Variants in LDLRAD4 observed in about 807,000 individuals in gnomAD.
LDLRAD4 encodes low-density lipoprotein receptor class A domain-containing protein 4.
Under a neutral mutation model 17.0 loss-of-function variants are expected in LDLRAD4, and 5 were observed. The ratio of observed to expected loss-of-function variants is 0.29; its 90% confidence interval spans 0.15 to 0.62. The LOEUF is 0.62. Among genes scored for constraint, LDLRAD4 ranks in the 20% least tolerant of loss-of-function variants. The probability of loss-of-function intolerance (pLI) is 0.84; values close to 1 mark genes in which losing one functional copy is unlikely to be tolerated. For missense variants in LDLRAD4, 340 were observed against 424.7 expected (o/e 0.80, Z 1.75); for synonymous variants, 168 against 171.8 (o/e 0.98, Z 0.17).
chr18:13,355,172 G>A (rs1327462150), intron 1 of LDLRAD4, among the ~76,000 whole-genome samples: 2 of 152,216 alleles, frequency 1.3e-5, no homozygotes, highest in Non-Finnish European at 2.9e-5. Flanking sequence ...TTTAGTCTAT[G>A]TTGTTTTGTT....
intron 4 of LDLRAD4, among the ~76,000 whole-genome samples, chr18:13,639,704 A>G (rs2042362768): frequency 6.6e-6 from 1 of 152,178 alleles, no homozygotes; most frequent in African/African-American, 2.4e-5. Flanking sequence ...TGTAGTTATA[A>G]TGTCCCCATG....
chr18:13,628,838 G>A (rs2041402370), intron 4 of LDLRAD4, among the ~76,000 whole-genome samples: 1 of 152,158 alleles, frequency 6.6e-6, no homozygotes, highest in Non-Finnish European at 1.5e-5. Flanking sequence ...AGGTTTTGGG[G>A]TTATTTTTAA....
At chr18:13,246,230 C>T (rs2042947669) in intron 1 of LDLRAD4, among the ~76,000 whole-genome samples, 1 of 152,218 alleles carries the variant, frequency 6.6e-6, no homozygotes, top group Admixed American at 6.5e-5. Flanking sequence ...TTTGGGTGGT[C>T]TGCGGCCATC....
chr18:13,375,170 C>G (rs999265688), intron 1 of LDLRAD4, among the ~76,000 whole-genome samples: 1 of 152,158 alleles, frequency 6.6e-6, no homozygotes, highest in African/African-American at 2.4e-5. Flanking sequence ...CCAAGTTTAC[C>G]TCTAGGCCAG....
chr18:13,529,822 C>T (rs1243450443), intron 3 of LDLRAD4, among the ~76,000 whole-genome samples: 2 of 152,190 alleles, frequency 1.3e-5, no homozygotes, highest in Non-Finnish European at 2.9e-5. Flanking sequence ...AGAGTGTGTC[C>T]TCTTGTTACG....
chr18:13,325,907 C>A (rs569247428), intron 1 of LDLRAD4, among the ~76,000 whole-genome samples: 1 of 152,102 alleles, frequency 6.6e-6, no homozygotes, highest in Non-Finnish European at 1.5e-5. Context: ...TGCCCGCCAC[C>A]GTGCCTGCCA....
chr18:13,525,926 C>T (rs1394857047), intron 3 of LDLRAD4, among the ~76,000 whole-genome samples: 2 of 152,232 alleles, frequency 1.3e-5, no homozygotes, highest in Non-Finnish European at 2.9e-5. Flanking sequence ...CTTGCGCCCT[C>T]CTGTGTGTCT....
At chr18:13,229,899 T>G (rs2041988884) in intron 1 of LDLRAD4, among the ~76,000 whole-genome samples, 1 of 152,236 alleles carries the variant, frequency 6.6e-6, no homozygotes, top group South Asian at 2.1e-4. Context: ...ACCTGCTGTC[T>G]CCTGGCTTCC....
chr18:13,640,409 C>G (rs2042443267), intron 4 of LDLRAD4, among the ~76,000 whole-genome samples: 1 of 151,934 alleles, frequency 6.6e-6, no homozygotes, highest in Non-Finnish European at 1.5e-5. Context: ...AAAACAAAAG[C>G]CAGGCAGGAA....
chr18:13,280,332 T>G (rs1400368260), intron 1 of LDLRAD4, among the ~76,000 whole-genome samples: 1 of 152,206 alleles, frequency 6.6e-6, no homozygotes, highest in Non-Finnish European at 1.5e-5. Context: ...GCTTTTCTCA[T>G]CTTTAAATGG....
intron 1 of LDLRAD4, among the ~76,000 whole-genome samples, chr18:13,247,464 G>T (rs533021374): frequency 6.6e-6 from 1 of 152,308 alleles, no homozygotes; most frequent in South Asian, 2.1e-4. Context: ...AGTCCAGGAT[G>T]CCATGTTGCA....
chr18:13,325,160 C>T (rs887419899), intron 1 of LDLRAD4, among the ~76,000 whole-genome samples: 7 of 152,192 alleles, frequency 4.6e-5, no homozygotes, highest in African/African-American at 1.2e-4. Context: ...TTCTATCTTG[C>T]AGCAATCTGT....
At chr18:13,472,411 A>G (rs1441638584) in intron 3 of LDLRAD4, 1 of 152,284 alleles carries the variant, frequency 6.6e-6, no homozygotes, top group African/African-American at 2.4e-5. Flanking sequence ...GGTTCATGAA[A>G]TGCTCCAGCA....
chr18:13,313,626 T>TA (rs2080772172), intron 1 of LDLRAD4, among the ~76,000 whole-genome samples: 1 of 152,232 alleles, frequency 6.6e-6, no homozygotes, highest in Non-Finnish European at 1.5e-5. Context: ...TCTTGGCCCT[T>TA]ACGTGTGGAT....
chr18:13,559,327 C>G (rs1397381901), intron 3 of LDLRAD4, among the ~76,000 whole-genome samples: 1 of 152,148 alleles, frequency 6.6e-6, no homozygotes, highest in East Asian at 1.9e-4. Context: ...TGAGATAAAT[C>G]CCAGAGACCT....
intron 1 of LDLRAD4, chr18:13,279,850 G>T (rs550407417): frequency 1.3e-5 from 2 of 152,232 alleles, no homozygotes; most frequent in Admixed American, 1.3e-4. Context: ...GCGAGGCGTC[G>T]TAAGAACTTT....
At chr18:13,546,258 C>T (rs1165651263) in intron 3 of LDLRAD4, among the ~76,000 whole-genome samples, 1 of 152,118 alleles carries the variant, frequency 6.6e-6, no homozygotes, top group Non-Finnish European at 1.5e-5. Context: ...TTCAGTGAAG[C>T]AGCTCTGCCG....
intron 1 of LDLRAD4, among the ~76,000 whole-genome samples, chr18:13,250,366 G>A (rs370678338): frequency 1.3e-5 from 2 of 151,546 alleles, no homozygotes; most frequent in East Asian, 3.9e-4. Flanking sequence ...GTATTTTGGT[G>A]CTTAATAGAA....
At chr18:13,369,906 C>A (rs1056291429) in intron 1 of LDLRAD4, among the ~76,000 whole-genome samples, 1 of 152,230 alleles carries the variant, frequency 6.6e-6, no homozygotes, top group Non-Finnish European at 1.5e-5. Context: ...AATTCAGCCC[C>A]GCCCTGCAGC....
Sources: gnomAD v4.1 joint callset for allele counts (sites outside exome capture counted in the v4.1 genomes callset) on GRCh38, gnomAD v4.1.1 for gene constraint, MANE v1.5 for transcripts, NCBI Gene and HGNC (gene_info 2026-07-23, HGNC 2026-07-21) for gene names.